SIGLEC1: variants seen among roughly 807,000 people sequenced by gnomAD.
The protein encoded by SIGLEC1 is sialic acid binding Ig like lectin 1, also known as sialoadhesin.
In SIGLEC1, 132 loss-of-function variants were observed where a neutral mutation model predicts 148.0. That is an observed-to-expected ratio of 0.89 (90% CI 0.77 to 1.03). The LOEUF is 1.03. SIGLEC1 is among the 50% of genes least tolerant of loss of function. SIGLEC1 has a pLI of 0.00. For missense variants in SIGLEC1, 2,253 were observed against 2,271.4 expected (o/e 0.99, Z 0.16); for synonymous variants, 945 against 969.0 (o/e 0.98, Z 0.46).
chr20:3,705,910 AG>A lies in SIGLEC1; in HGVS notation c.539del (p.Pro180LeufsTer55). ...GGCTGTTGAAGGTGACAGAGCGAGC[AG>A]GGTCCTGGCCTTGCCACTGCAGTCT... ...QVRLQWQGQD[P>X]ARSVTFNSQK... On this transcript the variant is annotated frameshift_variant, in exon 4 of 22. Coordinates refer to ENST00000344754, the MANE Select transcript of SIGLEC1 (RefSeq NM_023068.4). LOFTEE classifies it high-confidence loss of function. 1 of 1,614,188 alleles carries A rather than the reference AG, an allele frequency of 6.2e-7. No individual in the cohort carries two copies. Among genetic ancestry groups the A allele is most frequent in the Non-Finnish European group, 8.5e-7 (1 of 1,180,052 alleles).
chr20:3,711,193 T>C (rs952790383), intron 1 of SIGLEC1, among the ~76,000 whole-genome samples: 1 of 152,212 alleles, frequency 6.6e-6, no homozygotes, highest in East Asian at 1.9e-4. Flanking sequence ...GAAATCATTG[T>C]TCCCCAGACA....
chr20:3,691,943 C>A lies in SIGLEC1; in HGVS notation c.4290G>T (p.Leu1430Phe), dbSNP rs199722301. Residue 1430 changes from leucine (L) to phenylalanine (F), a missense_variant, in exon 17 of 22, where the codon TTG becomes TTT. Coordinates refer to ENST00000344754, the MANE Select transcript of SIGLEC1 (RefSeq NM_023068.4). ...GCCCGATGGTGCTGATTGAGCCCAGCAAGTTTTGGGCTGTGCAAACATAGG... is the reference window on the plus strand; with the variant it reads ...GCCCGATGGTGCTGATTGAGCCCAGAAAGTTTTGGGCTGTGCAAACATAGG... Reference protein sequence around the residue: ...DDTYVCTAQNLLGSISTIGRL... With the variant: ...DDTYVCTAQNFLGSISTIGRL... The A allele has an allele frequency of 6.3e-7, 1 of 1,597,320 alleles. No homozygotes were observed. The highest frequency in any genetic ancestry group is 8.6e-7 in the Non-Finnish European group (1 of 1,167,554).
rs751558957 is a variant in SIGLEC1, at chr20:3,703,088, G to A, written c.1228+109C>T. On this transcript the variant is annotated intron_variant, in intron 6 of 21. Transcript: ENST00000344754. ...GGACATGAGCTCAAGGCCACCTCCA[G>A]GTAAGTGGCCTTGAAGTTCCCATGC... The A allele has an allele frequency of 1.0e-5, 14 of 1,368,218 alleles. No individual in the cohort carries two copies. In the East Asian group the frequency reaches 2.6e-4, roughly 26 times the overall value. The allele number at this position is 1,368,218 out of a possible 1,614,324, so 84.8% of individuals were successfully genotyped here.
intron 6 of SIGLEC1, 38 bp from the exon 7 acceptor site, chr20:3,701,679 C>A: frequency 6.6e-7 from 1 of 1,515,632 alleles, no homozygotes; most frequent in Non-Finnish European, 8.9e-7. Flanking sequence ...CACCCTCAGA[C>A]AAGGGCATTC....
rs144803831 is a variant in SIGLEC1, at chr20:3,697,958, G to A, written c.1962C>T (p.Ser654=). 9.9e-4 allele frequency: 1,596 copies of A among 1,612,114 alleles called. 1 individual carries two copies. Among genetic ancestry groups the A allele is most frequent in the Non-Finnish European group, 1.2e-3 (1,458 of 1,179,504 alleles). ...TGCGTGGGGAACAGCCCCCACAGGT[G>A]CTGCAGCCACCCCCTGATGGCAGGG... ...ATSLPSGGGC[S]TCGGCSPRMK... Residue 654 remains serine (S), a synonymous_variant, in exon 9 of 22, where the codon AGC becomes AGT. Coordinates refer to ENST00000344754, the MANE Select transcript of SIGLEC1 (RefSeq NM_023068.4).
chr20:3,691,388 G>A lies in SIGLEC1; in HGVS notation c.4543C>T (p.Leu1515Phe). The change falls in exon 18 of 22, where the codon CTC becomes TTC. Residue 1515 changes from leucine to phenylalanine, a missense_variant. Coordinates refer to ENST00000344754, the MANE Select transcript of SIGLEC1 (RefSeq NM_023068.4). The part of the protein sequence containing the change: ...QAGMYHCLAE[L>F]PTGAAASAPV... ...GCAGAGGCAGCAGCCCCAGTGGGGA[G>A]CTCAGCCAGGCAGTGGTACATCCCA... 6.2e-7 allele frequency: 1 copy of A among 1,613,418 alleles called. No homozygotes were observed. The highest frequency in any genetic ancestry group is 8.5e-7 in the Non-Finnish European group (1 of 1,180,042).
Position 3,687,735 on chromosome 20 carries a change from T to C in SIGLEC1, c.*825A>G, listed in dbSNP as rs1046736768. ...GTGGCATTCCCAACAATGTCAAAAGTCTCAGGGATGAGCTCACAGTTGGGA... is the reference window on the plus strand; with the variant it reads ...GTGGCATTCCCAACAATGTCAAAAGCCTCAGGGATGAGCTCACAGTTGGGA... On this transcript the variant is annotated 3_prime_UTR_variant, in exon 22 of 22. Transcript: ENST00000344754. 2 of 152,144 alleles carry C rather than the reference T, an allele frequency of 1.3e-5. No individual in the cohort carries two copies. The highest frequency in any genetic ancestry group is 2.4e-5 in the African/African-American group (1 of 41,426). 9.4% of individuals were successfully genotyped at this position (152,144 alleles called of 1,614,324 possible). A position where few individuals can be genotyped will look rare whatever the true frequency, so the allele number is the denominator to read the frequency against.
intron 15 of SIGLEC1, 35 bp from the exon 16 acceptor site, chr20:3,692,807 C>G: frequency 1.2e-6 from 2 of 1,600,548 alleles, no homozygotes; most frequent in African/African-American, 1.3e-5. Context: ...CCGGGCCCAG[C>G]CGGACACCAC....
Position 3,694,279 on chromosome 20 carries a change from G to A in SIGLEC1, c.3198C>T (p.Ile1066=). The change falls in exon 13 of 22, where the codon ATC becomes ATT. Residue 1066 remains isoleucine (I), a synonymous_variant. Coordinates refer to ENST00000344754, the MANE Select transcript of SIGLEC1 (RefSeq NM_023068.4). ...GGCCCAGGGTGTTGGAGGCCTCACAGATATAGACACCCTCATCCTCCAGCA... is the reference window on the plus strand; with the variant it reads ...GGCCCAGGGTGTTGGAGGCCTCACAAATATAGACACCCTCATCCTCCAGCA... The part of the protein sequence containing the change: ...GAMLEDEGVY[I]CEASNTLGQA... 1 of 1,612,674 alleles carries A rather than the reference G, an allele frequency of 6.2e-7. No individual in the cohort carries two copies. Among genetic ancestry groups the A allele is most frequent in the Non-Finnish European group, 8.5e-7 (1 of 1,179,922 alleles).
Position 3,697,967 on chromosome 20 carries a change from AC to A in SIGLEC1, c.1952del (p.Gly651ValfsTer13), listed in dbSNP as rs777478941. ...RVVATSLPSGGGCSTCGGCSP... is the reference protein window; with the variant it reads ...RVVATSLPSGXGCSTCGGCSP... ...AACAGCCCCCACAGGTGCTGCAGCC[AC>A]CCCCTGATGGCAGGGAAGTGGCCAC... On this transcript the variant is annotated frameshift_variant, in exon 9 of 22. Coordinates refer to ENST00000344754, the MANE Select transcript of SIGLEC1 (RefSeq NM_023068.4). LOFTEE classifies it high-confidence loss of function. 4 of 1,611,004 alleles carry A rather than the reference AC, an allele frequency of 2.5e-6. No individual in the cohort carries two copies. The highest frequency in any genetic ancestry group is 3.4e-6 in the Non-Finnish European group (4 of 1,179,084).
rs201385984 is a variant in SIGLEC1 at position 3,706,419 on chromosome 20, A to G, written c.337T>C (p.Tyr113His). 2.3e-4 allele frequency: 364 copies of G among 1,614,174 alleles called. 1 individual carries two copies. The South Asian group carries it at 3.8e-3, about 17-fold the overall frequency. The change falls in exon 3 of 22, where the codon TAC (tyrosine) becomes CAC (histidine). Residue 113 changes from tyrosine (Y) to histidine (H), a missense_variant. Transcript: ENST00000344754. ...TCACTGATCTCGAAGCGGAAGTTGT[A>G]GGAACCAGAGTCCTCGGGCTGCAGG... The part of the protein sequence containing the change: ...KDLQPEDSGS[Y>H]NFRFEISEVN...
chr20:3,690,165 A>G lies in SIGLEC1; in HGVS notation c.4691T>C (p.Leu1564Pro). ...CRVDSEPLAS[L>P]TLHLGSRLVA... ...CAGTCGACTGCCAAGGTGGAGAGTC[A>G]GGCTGGCGAGCGGCTCGCTGTCCAC... The change falls in exon 19 of 22, where the codon CTG becomes CCG. Residue 1564 changes from leucine to proline, a missense_variant. By Grantham distance (98) the Leu-to-Pro change is moderately conservative. Transcript: ENST00000344754. 1 of 1,590,902 alleles carries G rather than the reference A, an allele frequency of 6.3e-7. No individual in the cohort carries two copies. Among genetic ancestry groups the G allele is most frequent in the Non-Finnish European group, 8.6e-7 (1 of 1,169,506 alleles).
In SIGLEC1 at chr20:3,703,243, G is replaced by T. The variant is rs752884604; in HGVS notation, c.1182C>A (p.Asn394Lys). 2 of 1,614,168 alleles carry T rather than the reference G, an allele frequency of 1.2e-6. No homozygotes were observed. The highest frequency in any genetic ancestry group is 1.7e-6 in the Non-Finnish European group (2 of 1,180,030). Residue 394 changes from asparagine to lysine, a missense_variant, in exon 6 of 22, where the codon AAC (asparagine) becomes AAA (lysine). Physicochemically the swap from Asn to Lys is moderately conservative, Grantham distance 94. Coordinates refer to ENST00000344754, the MANE Select transcript of SIGLEC1 (RefSeq NM_023068.4). ...DTGFYFCEVQ[N>K]VHGSERSGPV... Reference sequence around the variant, plus strand: ...GGCCCGAGCGCTCGCTGCCATGGACGTTCTGCACCTCACAGAAGTAGAAGC... The same window carrying T: ...GGCCCGAGCGCTCGCTGCCATGGACTTTCTGCACCTCACAGAAGTAGAAGC...
intron 14 of SIGLEC1, 122 bp from the exon 15 acceptor site, chr20:3,693,253 G>T: frequency 8.0e-7 from 1 of 1,251,456 alleles, no homozygotes; most frequent in Non-Finnish European, 1.1e-6. Flanking sequence ...CAACCACCCA[G>T]TCTGAGGCAC....
chr20:3,705,685 G>A (rs2087886961), intron 4 of SIGLEC1, 59 bp downstream of exon 4: 1 of 1,530,826 alleles, frequency 6.5e-7, no homozygotes, highest in Non-Finnish European at 8.9e-7. Flanking sequence ...AGAGGGGCTG[G>A]TTTCTGTCAG....
intron 8 of SIGLEC1, among the ~76,000 whole-genome samples, chr20:3,698,663 ATCTCAC>A (rs559685852): frequency 1.4e-3 from 210 of 152,346 alleles, no homozygotes; most frequent in Non-Finnish European, 2.3e-3. Flanking sequence ...CCCCCATGTG[ATCTCAC>A]TCAGACACCA....
Position 3,688,367 on chromosome 20 carries a change from C to T in SIGLEC1, c.*193G>A. 1 of 639,976 alleles carries T rather than the reference C, an allele frequency of 1.6e-6. No homozygotes were observed. Among genetic ancestry groups the T allele is most frequent in the South Asian group, 1.7e-5 (1 of 59,468 alleles). 39.6% of individuals were successfully genotyped at this position (639,976 alleles called of 1,614,324 possible). ...TTCAGTGTCCTCCAGGGTCAACACCCTCCTGGGCAGACCTCTCACCACCCA... is the reference window on the plus strand; with the variant it reads ...TTCAGTGTCCTCCAGGGTCAACACCTTCCTGGGCAGACCTCTCACCACCCA... On this transcript the variant is annotated 3_prime_UTR_variant, in exon 22 of 22. Coordinates refer to ENST00000344754, the MANE Select transcript of SIGLEC1 (RefSeq NM_023068.4).
Position 3,706,339 on chromosome 20 carries a change from C to CTTA in SIGLEC1, c.409+5_409+7dup, listed in dbSNP as rs1307259336. ...CCCGGGGGGCAGCCAGGCCACCCCA[C>CTTA]TTATCACCTGTTACTGTGACCAAGG... On this transcript the variant is annotated splice_region_variant and intron_variant, in intron 3 of 21. Coordinates refer to ENST00000344754, the MANE Select transcript of SIGLEC1 (RefSeq NM_023068.4). 5.0e-6 allele frequency: 8 copies of CTTA among 1,601,074 alleles called. No homozygotes were observed. The Admixed American group carries it at 1.2e-4, about 23-fold the overall frequency.
chr20:3,700,108 T>A (rs1304565410), intron 7 of SIGLEC1, among the ~76,000 whole-genome samples: 4 of 15,002 alleles, frequency 2.7e-4, no homozygotes, highest in South Asian at 2.3e-3. Context: ...GTGGCCAGCT[T>A]TTTTTTTTTT....
Sources: allele counts gnomAD v4.1 joint callset (sites outside exome capture counted in the v4.1 genomes callset), GRCh38; gene constraint gnomAD v4.1.1; transcripts MANE v1.5; gene names NCBI Gene and HGNC (gene_info 2026-07-23, HGNC 2026-07-21).